Variants in TEX36 observed in about 807,000 individuals in gnomAD.
TEX36 encodes testis expressed 36, also known as testis-expressed protein 36.
TEX36 carries 12 observed loss-of-function variants against 13.6 expected under a neutral mutation model. The observed-to-expected ratio is 0.88, with a 90% CI of 0.56 to 1.43. The LOEUF (loss-of-function observed/expected upper bound fraction) is 1.43. Ranked by LOEUF, TEX36 falls within the 40% of genes most tolerant of loss-of-function variation. The pLI is 0.00. For synonymous variants in TEX36, 93 were observed against 83.0 expected (o/e 1.12, Z -0.65); for missense variants, 224 against 228.3 (o/e 0.98, Z 0.12).
At chr10:125,656,891 C>T (rs1167178657) in intron 3 of TEX36, among the ~76,000 whole-genome samples, 1 of 152,052 alleles carries the variant, frequency 6.6e-6, no homozygotes, top group African/African-American at 2.4e-5. Flanking sequence ...AGCTGCCCCC[C>T]AGCACTCAGT....
At position 125,661,077 on chromosome 10, in the gene TEX36, A is replaced by C; in HGVS notation, c.208T>G (p.Phe70Val). Residue 70 changes from phenylalanine (F) to valine (V), a missense_variant, in exon 3 of 4, where the codon TTC (phenylalanine) becomes GTC (valine). Phe to Val is a conservative substitution (Grantham distance 50, BLOSUM62 -1). Coordinates refer to ENST00000368821, the MANE Select transcript of TEX36 (RefSeq NM_001128202.3). ...EKQAVNNQFP[F>V]SVHDNRHSLE... is the part of the protein sequence containing the mutation. ...CTGTGCCGATTGTCATGCACGGAGA[A>C]GGGGAACTGGTTATTCACTGCTTGC... is the stretch of plus-strand genomic sequence containing the variant. 1 of 1,552,054 alleles carries C rather than the reference A, an allele frequency of 6.4e-7. No homozygotes were observed.
At chr10:125,587,817 A>ATACACATG (rs1173926952) in intron 3 of TEX36, among the ~76,000 whole-genome samples, 2 of 150,036 alleles carry the variant, frequency 1.3e-5, no homozygotes, top group Admixed American at 1.3e-4. Context: ...AAGACACTTT[A>ATACACATG]TACACATGAA....
In TEX36 at chr10:125,656,073, CG is replaced by C. The variant is rs1846936314; in HGVS notation, c.387del (p.Tyr129Ter). 1 of 1,551,490 alleles carries C rather than the reference CG, an allele frequency of 6.4e-7. No homozygotes were observed. Among genetic ancestry groups the C allele is most frequent in the African/African-American group, 1.4e-5 (1 of 72,934 alleles). On this transcript the variant is annotated frameshift_variant, in exon 4 of 4. Coordinates refer to ENST00000368821, the MANE Select transcript of TEX36 (RefSeq NM_001128202.3). LOFTEE classifies it low-confidence loss of function (END_TRUNC). ...LDGFSNNQIS[Y>X]VYKEAMVVSS... Reference sequence around the variant, plus strand: ...GAGACCACCATGGCTTCTTTATATACGTATGATATTTGGTTATTTGAAAAGC... The same window carrying C: ...GAGACCACCATGGCTTCTTTATATACTATGATATTTGGTTATTTGAAAAGC...
intron 3 of TEX36, among the ~76,000 whole-genome samples, chr10:125,594,023 G>A (rs1488096334): frequency 6.6e-6 from 1 of 152,228 alleles, no homozygotes; most frequent in East Asian, 1.9e-4. Flanking sequence ...ACAGGAGACA[G>A]GCGAGCACGC....
chr10:125,625,100 C>G (rs1023096925), intron 3 of TEX36, among the ~76,000 whole-genome samples: 17 of 152,340 alleles, frequency 1.1e-4, no homozygotes, highest in African/African-American at 3.6e-4. Flanking sequence ...TCTTGCACCT[C>G]CCCAGTACTC....
At chr10:125,619,564 T>C (rs533331985), downstream of TEX36, among the ~76,000 whole-genome samples, 1 of 152,306 alleles carries the variant, frequency 6.6e-6, no homozygotes, top group East Asian at 1.9e-4. Context: ...TGTTTGTTTG[T>C]TTTTGAGACG....
At chr10:125,650,222 T>C (rs1251979937) in intron 3 of TEX36, among the ~76,000 whole-genome samples, 2 of 152,210 alleles carry the variant, frequency 1.3e-5, no homozygotes, top group Non-Finnish European at 2.9e-5. Flanking sequence ...TAACACTTAC[T>C]GCAAAATTGA....
intron 3 of TEX36, among the ~76,000 whole-genome samples, chr10:125,579,821 G>A (rs1845864046): frequency 6.6e-6 from 1 of 152,072 alleles, no homozygotes; most frequent in Non-Finnish European, 1.5e-5. Flanking sequence ...ATGATTGTAA[G>A]TTTCCTGAGG....
downstream of TEX36, among the ~76,000 whole-genome samples, chr10:125,652,429 G>A (rs1846875574): frequency 6.6e-6 from 1 of 152,170 alleles, no homozygotes; most frequent in Non-Finnish European, 1.5e-5. Context: ...AAACTGGCTA[G>A]CCATATGTAG....
Position 125,604,134 on chromosome 10 carries a change from AG to A in TEX36, c.265-27261del, listed in dbSNP as rs1184767593. On this transcript the variant is annotated intron_variant, in intron 3 of 3. Coordinates refer to the TEX36 transcript ENST00000532135. Reference sequence around the variant, plus strand: ...TTTCCCATAAAATGTGACCAGAGCCAGGAGAAAGAACTCTCAATGGCAGGGT... The same window carrying A: ...TTTCCCATAAAATGTGACCAGAGCCAGAGAAAGAACTCTCAATGGCAGGGT... Among the ~76,000 whole-genome samples the A allele has an allele frequency of 2.6e-5, 4 of 152,302 alleles. No individual in the cohort carries two copies. In the East Asian group the frequency reaches 7.7e-4, roughly 29 times the overall value.
intron 3 of TEX36, among the ~76,000 whole-genome samples, chr10:125,623,678 T>C (rs1846453203): frequency 6.6e-6 from 1 of 151,796 alleles, no homozygotes; most frequent in Admixed American, 6.6e-5. Context: ...GACTGATGGG[T>C]AGGTCTGAAG....
intron 3 of TEX36, among the ~76,000 whole-genome samples, chr10:125,603,435 A>G (rs1047116796): frequency 6.7e-6 from 1 of 149,464 alleles, no homozygotes; most frequent in Non-Finnish European, 1.5e-5. Flanking sequence ...GCCTGAGCCC[A>G]TTTCCCCCAC....
At chr10:125,599,257 G>A (rs1846116729) in intron 3 of TEX36, among the ~76,000 whole-genome samples, 1 of 152,168 alleles carries the variant, frequency 6.6e-6, no homozygotes, top group Non-Finnish European at 1.5e-5. Context: ...CCCTTAAGAT[G>A]TTAAAACTGA....
chr10:125,667,324 C>A, intron 1 of TEX36: 1 of 640,960 alleles, frequency 1.6e-6, no homozygotes, highest in East Asian at 3.5e-5. Flanking sequence ...CAGCAGTCAG[C>A]ACCTTCTTGG....
At chr10:125,659,965 C>G (rs1201161033) in intron 3 of TEX36, among the ~76,000 whole-genome samples, 1 of 152,028 alleles carries the variant, frequency 6.6e-6, no homozygotes, top group Non-Finnish European at 1.5e-5. Context: ...CCATTGGGCA[C>G]TTGATATGTG....
At chr10:125,597,101 G>T (rs1341803801) in intron 3 of TEX36, among the ~76,000 whole-genome samples, 1 of 152,202 alleles carries the variant, frequency 6.6e-6, no homozygotes, top group Admixed American at 6.5e-5. Context: ...TGCAATTTTA[G>T]GGGAGTGACT....
At chr10:125,628,563 G>T (rs934042742) in intron 3 of TEX36, among the ~76,000 whole-genome samples, 4 of 152,212 alleles carry the variant, frequency 2.6e-5, no homozygotes, top group Non-Finnish European at 5.9e-5. Flanking sequence ...CTCTCCCGAT[G>T]ATGATAATTA....
chr10:125,673,669 T>G (rs971007052), intron 1 of TEX36, among the ~76,000 whole-genome samples: 1 of 134,814 alleles, frequency 7.4e-6, no homozygotes, highest in African/African-American at 2.9e-5. Flanking sequence ...AAGATCACAC[T>G]ATTGCACTCC....
chr10:125,602,187 AG>A (rs1367934303), intron 3 of TEX36, among the ~76,000 whole-genome samples: 1 of 152,168 alleles, frequency 6.6e-6, no homozygotes, highest in Non-Finnish European at 1.5e-5. Flanking sequence ...ACTGTGACTT[AG>A]TGAGGCAGAA....
Sources: gnomAD v4.1 joint callset for allele counts (sites outside exome capture counted in the v4.1 genomes callset) on GRCh38, gnomAD v4.1.1 for gene constraint, MANE v1.5 for transcripts, NCBI Gene and HGNC (gene_info 2026-07-23, HGNC 2026-07-21) for gene names.